Variants in GSG1 observed in about 807,000 individuals in gnomAD.
GSG1 encodes germ cell associated 1.
GSG1 carries 28 observed loss-of-function variants against 30.8 expected under a neutral mutation model. That is an observed-to-expected ratio of 0.91 (90% CI 0.67 to 1.25). GSG1 has a LOEUF of 1.25. Ranked by LOEUF, GSG1 falls within the 50% of genes most tolerant of loss-of-function variation. The pLI is 0.00. For synonymous variants in GSG1, 162 were observed against 178.0 expected, an observed-to-expected ratio of 0.91 and a Z score of 0.71; for missense variants, 435 against 444.7, an observed-to-expected ratio of 0.98 and a Z score of 0.20.
chr12:13,089,438 G>T, intron 2 of GSG1, 162 bp from the exon 3 acceptor site: 2 of 1,158,932 alleles, frequency 1.7e-6, no homozygotes, highest in Non-Finnish European at 2.4e-6. Context: ...TCCCAGGCCG[G>T]TCACCTTTCA....
intron 4 of GSG1, chr12:13,088,657 A>C: frequency 7.8e-7 from 1 of 1,287,022 alleles, no homozygotes; most frequent in South Asian, 1.4e-5. Context: ...AGAAGAGAAA[A>C]GTGGGAGATC....
chr12:13,102,140 C>T (rs1169096975), intron 1 of GSG1, among the ~76,000 whole-genome samples: 3 of 152,138 alleles, frequency 2.0e-5, no homozygotes, highest in African/African-American at 7.2e-5. Flanking sequence ...GGTTCCGATT[C>T]GGAGGGTTTG....
At chr12:13,090,220 AT>A (rs1865945851) in intron 2 of GSG1, among the ~76,000 whole-genome samples, 1 of 152,330 alleles carries the variant, frequency 6.6e-6, no homozygotes, top group African/African-American at 2.4e-5. Context: ...GGTTAATTCT[AT>A]TTTTAACATG....
At chr12:13,097,708 G>A in intron 1 of GSG1, among the ~76,000 whole-genome samples, 1 of 152,188 alleles carries the variant, frequency 6.6e-6, no homozygotes, top group East Asian at 1.9e-4. Context: ...TGAGGCCCAG[G>A]AATTGGTAAT....
chr12:13,091,743 A>G (rs1866169569), intron 1 of GSG1, among the ~76,000 whole-genome samples: 1 of 152,220 alleles, frequency 6.6e-6, no homozygotes, highest in South Asian at 2.1e-4. Context: ...TTGATGTCCA[A>G]TCATATTTCT....
chr12:13,095,484 T>G (rs1183903697), intron 1 of GSG1: 7 of 1,020,170 alleles, frequency 6.9e-6, no homozygotes, highest in Non-Finnish European at 1.1e-5. Flanking sequence ...AACCCAGAAT[T>G]AGCATAGGCT....
At position 13,090,877 on chromosome 12, in the gene GSG1, C is replaced by T. The variant is rs1866048509; in HGVS notation, c.49-59G>A. 6 of 1,449,408 alleles carry T rather than the reference C, an allele frequency of 4.1e-6. No individual in the cohort carries two copies. The Admixed American group carries it at 5.7e-5, about 14-fold the overall frequency. 89.8% of individuals were successfully genotyped at this position (1,449,408 alleles called of 1,614,324 possible). On this transcript the variant is annotated intron_variant, in intron 1 of 6. Transcript: ENST00000651961. ...AGCAGGGGAGCTTGACTCAGAGCCG[C>T]CTCGGAGATGTGGCCATCCTTCCCT...
At chr12:13,098,425 A>G (rs746181274) in intron 1 of GSG1, among the ~76,000 whole-genome samples, 5 of 119,696 alleles carry the variant, frequency 4.2e-5, no homozygotes, top group Admixed American at 9.4e-5. Context: ...CACTCCCTAT[A>G]GGAGTCTTGT....
intron 1 of GSG1, among the ~76,000 whole-genome samples, chr12:13,094,470 G>A (rs924753084): frequency 7.2e-5 from 11 of 152,190 alleles, no homozygotes; most frequent in African/African-American, 2.7e-4. Flanking sequence ...CAAAAAATCC[G>A]CAGCATCTGG....
intron 1 of GSG1, among the ~76,000 whole-genome samples, chr12:13,095,262 C>G (rs1034222836): frequency 1.3e-5 from 2 of 152,174 alleles, no homozygotes; most frequent in African/African-American, 4.8e-5. Flanking sequence ...TCTAATTTTG[C>G]AATGGTTTCC....
At chr12:13,099,750 G>GTTTTTTTTTTTTTTTTTTTTTTT (rs57762367) in intron 1 of GSG1, among the ~76,000 whole-genome samples, 13 of 114,828 alleles carry the variant, frequency 1.1e-4, no homozygotes, top group Admixed American at 1.9e-4. Flanking sequence ...GTTTTTTTTT[G>GTTTTTTTTTTTTTTTTTTTTTTT]TTTTTTTTTT....
intron 1 of GSG1, among the ~76,000 whole-genome samples, chr12:13,091,056 C>T (rs1158859551): frequency 6.6e-6 from 1 of 152,170 alleles, no homozygotes; most frequent in African/African-American, 2.4e-5. Context: ...CAAATGGGGG[C>T]CTCAGAAGCA....
chr12:13,090,363 G>GT (rs1404874288), intron 2 of GSG1, 140 bp downstream of exon 2: 1 of 697,030 alleles, frequency 1.4e-6, no homozygotes, highest in Admixed American at 2.9e-5. Flanking sequence ...GGAGAAGGGA[G>GT]TGAGGCCCAC....
In GSG1 at chr12:13,099,427, C is replaced by T. The variant is rs543879756; in HGVS notation, c.48+4038G>A. Among the ~76,000 whole-genome samples, 21 of 152,240 alleles carry T rather than the reference C, an allele frequency of 1.4e-4. No homozygotes were observed. In the South Asian group the frequency reaches 1.9e-3, roughly 14 times the overall value. On this transcript the variant is annotated intron_variant, in intron 1 of 6. Coordinates refer to ENST00000651961, the MANE Select transcript of GSG1 (RefSeq NM_001080555.4). ...ACTGTGACTATTCCAAGATGACCTC[C>T]GCAGGAATATATATGCACTTCACCA...
In GSG1 at chr12:13,085,207, C is replaced by T. The variant is rs748251004; in HGVS notation, c.783G>A (p.Ser261=). ...TGTACGTGTTGAAGGTGGTGACAGC[C>T]GACGCCATGCAGCAGGTGAAGGAGA... ...AWLSFTCCMA[S]AVTTFNTYTR... Residue 261 remains serine (S), a synonymous_variant, in exon 7 of 7, where the codon TCG becomes TCA. Transcript: ENST00000651961. 20 of 1,610,754 alleles carry T rather than the reference C, an allele frequency of 1.2e-5. No homozygotes were observed. Among genetic ancestry groups the T allele is most frequent in the African/African-American group, 6.7e-5 (5 of 74,832 alleles).
chr12:13,089,971 C>T (rs1198234873), intron 2 of GSG1, among the ~76,000 whole-genome samples: 1 of 152,170 alleles, frequency 6.6e-6, no homozygotes, highest in African/African-American at 2.4e-5. Context: ...ATCGCTTGAA[C>T]CTGAGAGGCG....
intron 3 of GSG1, 72 bp downstream of exon 3, chr12:13,089,136 G>A: frequency 2.1e-6 from 3 of 1,443,756 alleles, no homozygotes; most frequent in Non-Finnish European, 2.8e-6. Context: ...GTTTCCATGA[G>A]AGCACCTACA....
At chr12:13,100,602 A>G (rs1027875512) in intron 1 of GSG1, among the ~76,000 whole-genome samples, 29 of 152,220 alleles carry the variant, frequency 1.9e-4, no homozygotes, top group Non-Finnish European at 4.1e-4. Context: ...TGGATAATGT[A>G]TCTCCAAACT....
In GSG1 at chr12:13,101,506, C is replaced by T. The variant is rs1236181817; in HGVS notation, c.48+1959G>A. Among the ~76,000 whole-genome samples the T allele has an allele frequency of 6.6e-6, 1 of 152,210 alleles. No individual in the cohort carries two copies. Among genetic ancestry groups the T allele is most frequent in the Non-Finnish European group, 1.5e-5 (1 of 68,028 alleles). On this transcript the variant is annotated intron_variant, in intron 1 of 6. Transcript: ENST00000651961. The surrounding 1 kb of genome is among the most constrained non-coding windows in gnomAD (Gnocchi z 5.8). ...GGCCCTCCCAGAGAGCAGGGACTGC[C>T]AGGGCAGGCCAGGGACCCGGCGAGC...
Sources: gnomAD v4.1 joint callset for allele counts (sites outside exome capture counted in the v4.1 genomes callset) on GRCh38, gnomAD v4.1.1 for gene constraint, Gnocchi (gnomAD v3.1) non-coding constraint, MANE v1.5 for transcripts, NCBI Gene and HGNC (gene_info 2026-07-23, HGNC 2026-07-21) for gene names.